Variants in CNTNAP2 observed in about 807,000 individuals in gnomAD.
CNTNAP2 encodes contactin associated protein 2.
In CNTNAP2, 98 loss-of-function variants were observed where a neutral mutation model predicts 155.2. The observed-to-expected ratio is 0.63, with a 90% confidence interval of 0.54 to 0.75. CNTNAP2 has a LOEUF of 0.75. Among genes scored for constraint, CNTNAP2 ranks in the 30% least tolerant of loss-of-function variants. The pLI is 0.00. For synonymous variants in CNTNAP2, 651 were observed against 631.2 expected, an observed-to-expected ratio of 1.03 and a Z score of -0.47; for missense variants, 1,727 against 1,688.1, an observed-to-expected ratio of 1.02 and a Z score of -0.40.
At chr7:148,339,252 A>G (rs1798178351) in intron 21 of CNTNAP2, among the ~76,000 whole-genome samples, 2 of 141,802 alleles carry the variant, frequency 1.4e-5, no homozygotes, top group African/African-American at 2.8e-5. Context: ...CAAAGCCCAA[A>G]CATCGAAAAA....
At chr7:147,947,256 G>A (rs749569479) in intron 14 of CNTNAP2, among the ~76,000 whole-genome samples, 15 of 152,124 alleles carry the variant, frequency 9.9e-5, no homozygotes, top group Admixed American at 2.6e-4. Context: ...CTGGTTGTTT[G>A]ATGAGATTCC....
At chr7:148,201,308 G>T (rs1295056646) in intron 18 of CNTNAP2, among the ~76,000 whole-genome samples, 1 of 152,188 alleles carries the variant, frequency 6.6e-6, no homozygotes, top group Non-Finnish European at 1.5e-5. Context: ...AAGGCTTGAA[G>T]CTCTTGCTAC....
chr7:147,443,898 T>G (rs1335745105), intron 10 of CNTNAP2, among the ~76,000 whole-genome samples: 6 of 152,214 alleles, frequency 3.9e-5, no homozygotes, highest in Admixed American at 3.9e-4. Flanking sequence ...GAAGATTATC[T>G]CCTCCAAGAC....
chr7:146,653,201 A>T (rs1340116993), intron 1 of CNTNAP2, among the ~76,000 whole-genome samples: 1 of 152,148 alleles, frequency 6.6e-6, no homozygotes, highest in Non-Finnish European at 1.5e-5. Context: ...CGAGTCACAG[A>T]GAAAGTAGTC....
At chr7:146,680,020 T>C (rs536804783) in intron 1 of CNTNAP2, among the ~76,000 whole-genome samples, 4 of 152,314 alleles carry the variant, frequency 2.6e-5, no homozygotes, top group African/African-American at 9.6e-5. Flanking sequence ...AATACATATG[T>C]AGAACATGTT....
intron 10 of CNTNAP2, among the ~76,000 whole-genome samples, chr7:147,420,813 T>C (rs1384889556): frequency 2.0e-5 from 3 of 152,216 alleles, no homozygotes; most frequent in African/African-American, 7.2e-5. Flanking sequence ...CCAACCATTC[T>C]AACTGCAGAA....
intron 13 of CNTNAP2, among the ~76,000 whole-genome samples, chr7:147,803,575 C>A (rs1798041039): frequency 6.6e-6 from 1 of 152,172 alleles, no homozygotes; most frequent in South Asian, 2.1e-4. Context: ...TTTCAAACCT[C>A]AAGAGGCAAG....
At position 147,493,011 on chromosome 7, in the gene CNTNAP2, T is replaced by C. The variant is rs535203370; in HGVS notation, c.1777+6970T>C. Among the ~76,000 whole-genome samples the C allele has an allele frequency of 1.1e-4, 16 of 152,298 alleles. No homozygotes were observed. In the East Asian group the frequency reaches 2.9e-3, roughly 28 times the overall value. On this transcript the variant is annotated intron_variant, in intron 11 of 23. Transcript: ENST00000361727. Reference sequence around the variant, plus strand: ...GAACTTAAAGTATAATAAAAAAAAGTGCTTTTTAAATTCAGAAAATGTCCT... The same window carrying C: ...GAACTTAAAGTATAATAAAAAAAAGCGCTTTTTAAATTCAGAAAATGTCCT...
rs894868606 is a variant in CNTNAP2, at chr7:147,903,803, A to G, written c.2255+82A>G. ...AACTCATGTGATAGAAGAAAGTTTGAAAAGTGCTATAATAATACGATAATA... is the reference window on the plus strand; with the variant it reads ...AACTCATGTGATAGAAGAAAGTTTGGAAAGTGCTATAATAATACGATAATA... On this transcript the variant is annotated intron_variant, in intron 14 of 23. Coordinates refer to ENST00000361727, the MANE Select transcript of CNTNAP2 (RefSeq NM_014141.6). 3.3e-6 allele frequency: 5 copies of G among 1,521,842 alleles called. No individual in the cohort carries two copies. In the East Asian group the frequency reaches 7.2e-5, roughly 22 times the overall value. 94.3% of individuals were successfully genotyped at this position (1,521,842 alleles called of 1,614,324 possible).
chr7:147,031,970 C>T (rs1051209909), intron 3 of CNTNAP2, among the ~76,000 whole-genome samples: 5 of 152,050 alleles, frequency 3.3e-5, no homozygotes, highest in African/African-American at 9.7e-5. Flanking sequence ...TGTATACACA[C>T]GGTGAGGAGT....
intron 1 of CNTNAP2, among the ~76,000 whole-genome samples, chr7:146,644,635 A>G (rs1322596385): frequency 2.0e-5 from 3 of 152,140 alleles, no homozygotes; most frequent in Non-Finnish European, 1.5e-5. Context: ...GCAATAAAAA[A>G]TGATAAAGGA....
At chr7:146,896,369 T>C (rs1795877144) in intron 3 of CNTNAP2, among the ~76,000 whole-genome samples, 1 of 152,110 alleles carries the variant, frequency 6.6e-6, no homozygotes, top group Non-Finnish European at 1.5e-5. Flanking sequence ...ATCCTTATTA[T>C]CTCCACTAGG....
At chr7:148,038,645 G>A (rs1802613134) in intron 15 of CNTNAP2, among the ~76,000 whole-genome samples, 1 of 152,070 alleles carries the variant, frequency 6.6e-6, no homozygotes, top group Admixed American at 6.5e-5. Flanking sequence ...CACATGTTTG[G>A]TACCCATTAA....
At chr7:147,581,386 G>A (rs1354822874) in intron 12 of CNTNAP2, among the ~76,000 whole-genome samples, 2 of 152,150 alleles carry the variant, frequency 1.3e-5, no homozygotes, top group Non-Finnish European at 1.5e-5. Context: ...TACCTTCATA[G>A]GAGAAACATT....
At chr7:147,169,056 T>A (rs1378203913) in intron 8 of CNTNAP2, among the ~76,000 whole-genome samples, 1 of 152,126 alleles carries the variant, frequency 6.6e-6, no homozygotes. Context: ...ACTAAATATA[T>A]AATACTCATG....
Position 147,147,318 on chromosome 7 carries a change from T to C in CNTNAP2, c.1348+14809T>C, listed in dbSNP as rs189084116. On this transcript the variant is annotated intron_variant, in intron 8 of 23. Transcript: ENST00000361727. ...GAATTATAGGGATTACAATTCAAGATGAGATTTGGGTGGAGATACAACCAA... is the reference window on the plus strand; with the variant it reads ...GAATTATAGGGATTACAATTCAAGACGAGATTTGGGTGGAGATACAACCAA... 1.5e-3 allele frequency among the ~76,000 whole-genome samples: 234 copies of C among 152,302 alleles called. 1 individual carries two copies. The highest frequency in any genetic ancestry group is 1.3e-3 in the Non-Finnish European group (91 of 68,036).
chr7:147,630,169 A>G (rs1054036947), intron 12 of CNTNAP2, among the ~76,000 whole-genome samples: 2 of 152,006 alleles, frequency 1.3e-5, no homozygotes, highest in African/African-American at 4.8e-5. Flanking sequence ...ACAAAAGATC[A>G]TTCAAGGCTA....
intron 13 of CNTNAP2, among the ~76,000 whole-genome samples, chr7:147,827,579 A>G (rs1798475296): frequency 6.6e-6 from 1 of 152,212 alleles, no homozygotes; most frequent in Non-Finnish European, 1.5e-5. Context: ...GGAAAGAGGA[A>G]AGAGATTTGT....
intron 13 of CNTNAP2, among the ~76,000 whole-genome samples, chr7:147,738,412 C>T (rs1796894870): frequency 1.3e-5 from 2 of 152,076 alleles, no homozygotes; most frequent in Non-Finnish European, 2.9e-5. Flanking sequence ...TCATTGTTGC[C>T]TTATTTTAAG....
Sources: gnomAD v4.1 joint callset for allele counts (sites outside exome capture counted in the v4.1 genomes callset) on GRCh38, gnomAD v4.1.1 for gene constraint, MANE v1.5 for transcripts, NCBI Gene and HGNC (gene_info 2026-07-23, HGNC 2026-07-21) for gene names.